RIN3: variants seen among roughly 807,000 people sequenced by gnomAD.
The protein encoded by RIN3 is RAB5 interacting protein 3.
A neutral mutation model predicts 76.3 loss-of-function variants in RIN3; 54 were observed. The ratio of observed to expected loss-of-function variants is 0.71; its 90% CI spans 0.57 to 0.89. The LOEUF (loss-of-function observed/expected upper bound fraction) is 0.89. RIN3 is among the 40% of genes least tolerant of loss of function. The pLI, the probability that RIN3 is intolerant of heterozygous loss-of-function variation, is 0.00. For missense variants in RIN3, 1,256 were observed against 1,322.1 expected (o/e 0.95, Z 0.78); for synonymous variants, 576 against 564.0 (o/e 1.02, Z -0.30).
Position 92,648,003 on chromosome 14 carries a change from A to G in RIN3, c.533-3579A>G, listed in dbSNP as rs1021699440. Among the ~76,000 whole-genome samples the G allele has an allele frequency of 4.6e-5, 7 of 151,926 alleles. No individual in the cohort carries two copies. The highest frequency in any genetic ancestry group is 1.7e-4 in the African/African-American group (7 of 41,352). On this transcript the variant is annotated intron_variant, in intron 5 of 9. Transcript: ENST00000216487. The surrounding 1 kb of genome is among the most constrained non-coding windows in gnomAD (Gnocchi z 4.1). ...GGGACTGGACCCCACAGCTTTGCCA[A>G]CCAAACCACTAGGATTGCATGACAC...
intron 3 of RIN3, among the ~76,000 whole-genome samples, chr14:92,593,384 T>G (rs1885050095): frequency 6.6e-6 from 1 of 151,962 alleles, no homozygotes; most frequent in African/African-American, 2.4e-5. Flanking sequence ...GTTGTCAGAG[T>G]AGATCAAGAA....
chr14:92,556,304 T>A (rs1178796243), intron 2 of RIN3, among the ~76,000 whole-genome samples: 1 of 151,682 alleles, frequency 6.6e-6, no homozygotes, highest in Non-Finnish European at 1.5e-5. Flanking sequence ...CAGCCAGGCA[T>A]CCAGGGTCCA....
At chr14:92,577,632 A>G (rs937875756) in intron 3 of RIN3, among the ~76,000 whole-genome samples, 155 bp downstream of exon 3, 1 of 152,152 alleles carries the variant, frequency 6.6e-6, no homozygotes, top group African/African-American at 2.4e-5. Flanking sequence ...ACTTAGCCAG[A>G]CTTGTTTTGA....
chr14:92,615,539 T>G (rs1225244135), intron 4 of RIN3, 60 bp downstream of exon 4: 4 of 1,425,290 alleles, frequency 2.8e-6, no homozygotes, highest in Non-Finnish European at 9.9e-7. Context: ...CATGCAACCC[T>G]GGGTGGGTGC....
Position 92,676,397 on chromosome 14 carries a change from T to C in RIN3, c.2336-78T>C, listed in dbSNP as rs1888462557. 2.6e-6 allele frequency: 4 copies of C among 1,536,164 alleles called. No homozygotes were observed. In the East Asian group the frequency reaches 9.1e-5, roughly 35 times the overall value. On this transcript the variant is annotated intron_variant, in intron 7 of 9. Transcript: ENST00000216487. Reference sequence around the variant, plus strand: ...TCGCCATCCACACTCAGCAAACCACTGTCCCCTACCCTGGGCAGAGAGCAT... The same window carrying C: ...TCGCCATCCACACTCAGCAAACCACCGTCCCCTACCCTGGGCAGAGAGCAT...
At position 92,676,507 on chromosome 14, in the gene RIN3, G is replaced by A. The variant is rs767508900; in HGVS notation, c.2368G>A (p.Val790Met). 8 of 1,614,014 alleles carry A rather than the reference G, an allele frequency of 5.0e-6. No homozygotes were observed. Among genetic ancestry groups the A allele is most frequent in the Non-Finnish European group, 6.8e-6 (8 of 1,180,016 alleles). The change falls in exon 8 of 10, where the codon GTG (valine) becomes ATG (methionine). Residue 790 changes from valine (V) to methionine (M), a missense_variant. Val to Met is a conservative substitution (Grantham distance 21, BLOSUM62 1). Transcript: ENST00000216487. ...KPYGADDFLPVLMYVLARSNL... is the reference protein window; with the variant it reads ...KPYGADDFLPMLMYVLARSNL... Reference sequence around the variant, plus strand: ...CTATGGGGCGGATGACTTCCTGCCTGTGCTCATGTATGTGCTGGCCCGCAG... The same window carrying A: ...CTATGGGGCGGATGACTTCCTGCCTATGCTCATGTATGTGCTGGCCCGCAG...
chr14:92,686,991 TGCCATCACGGTCTCC>T (rs1888882380), intron 9 of RIN3: 1 of 152,240 alleles, frequency 6.6e-6, no homozygotes, highest in African/African-American at 2.4e-5. Flanking sequence ...AGCCACCAGT[TGCCATCACGGTCTCC>T]GCCGAGCCGG....
intron 4 of RIN3, among the ~76,000 whole-genome samples, chr14:92,639,845 A>G (rs1478521875): frequency 1.2e-4 from 16 of 132,466 alleles, no homozygotes; most frequent in East Asian, 7.4e-4. Context: ...TGTGCTCGTC[A>G]GAGGCTGCCT....
intron 3 of RIN3, among the ~76,000 whole-genome samples, chr14:92,600,801 G>A (rs991131812): frequency 1.3e-5 from 2 of 152,204 alleles, no homozygotes; most frequent in Admixed American, 6.5e-5. Flanking sequence ...CTTGTCGTGT[G>A]GACTGTCTTG....
chr14:92,626,601 T>C (rs531784112), intron 4 of RIN3, among the ~76,000 whole-genome samples: 1 of 152,144 alleles, frequency 6.6e-6, no homozygotes, highest in Admixed American at 6.5e-5. Flanking sequence ...TAGGGAAGGA[T>C]ACTTAGGCTG....
intron 3 of RIN3, among the ~76,000 whole-genome samples, chr14:92,578,223 G>T (rs756483071): frequency 6.7e-6 from 1 of 149,894 alleles, no homozygotes; most frequent in Non-Finnish European, 1.5e-5. Flanking sequence ...GTGACAGAGG[G>T]AGATCTGGCC....
chr14:92,624,943 C>T (rs1886300323), intron 4 of RIN3, among the ~76,000 whole-genome samples: 1 of 151,908 alleles, frequency 6.6e-6, no homozygotes, highest in Non-Finnish European at 1.5e-5. Flanking sequence ...TGGTCCCTCC[C>T]AGGACGGTTC....
In RIN3 at chr14:92,517,079, T is replaced by G. The variant is rs149330622; in HGVS notation, c.44+3103T>G. On this transcript the variant is annotated intron_variant, in intron 1 of 9. Coordinates refer to ENST00000216487, the MANE Select transcript of RIN3 (RefSeq NM_024832.5). ...GAATGGGTGACAGATGGCCACAAAC[T>G]CTGTCTCTGTAACCCCCTGGAAGAT... 4.7e-3 allele frequency among the ~76,000 whole-genome samples: 710 copies of G among 152,232 alleles called. 7 individuals are homozygous for G. The highest frequency in any genetic ancestry group is 0.016 in the African/African-American group (675 of 41,540).
chr14:92,685,346 G>A lies in RIN3; in HGVS notation c.2631+196G>A, dbSNP rs1028423355. On this transcript the variant is annotated intron_variant, in intron 9 of 9. Coordinates refer to ENST00000216487, the MANE Select transcript of RIN3 (RefSeq NM_024832.5). This position sits in a 1 kb window ranked among gnomAD's most constrained non-coding sequence, Gnocchi z 4.7. ...CAGTGTGTGTCCAGGACTTGGGTGC[G>A]TCTAGAAACATATCAGCAGGCATTG... 2.5e-4 allele frequency: 146 copies of A among 594,800 alleles called. No individual in the cohort carries two copies. The highest frequency in any genetic ancestry group is 3.7e-4 in the Non-Finnish European group (125 of 337,804). The allele number at this position is 594,800 out of a possible 1,614,324, so 36.8% of individuals were successfully genotyped here.
chr14:92,638,516 CAG>C (rs1886860349), intron 4 of RIN3, among the ~76,000 whole-genome samples: 1 of 152,136 alleles, frequency 6.6e-6, no homozygotes, highest in African/African-American at 2.4e-5. Flanking sequence ...TCCTGGCAGT[CAG>C]GGGGTGGGCA....
rs1425261182 is a variant in RIN3 at position 92,688,057 on chromosome 14, C to G, written c.2763C>G (p.His921Gln). The change falls in exon 10 of 10, where the codon CAC becomes CAG. Residue 921 changes from histidine (H) to glutamine (Q), a missense_variant. His to Gln is a conservative substitution (Grantham distance 24). This residue lies in a region of RIN3 where 218 missense variants were observed against 174.5 expected (regional missense o/e 1.25). Coordinates refer to ENST00000216487, the MANE Select transcript of RIN3 (RefSeq NM_024832.5). ...TCGCGGTGGAGCGGCCGCAGGCGCA[C>G]CGGCTGTTCGTGCTGGTGGACGGGC... is the stretch of plus-strand genomic sequence containing the variant. The part of the protein sequence containing the change: ...EKFAVERPQA[H>Q]RLFVLVDGRC... The G allele has an allele frequency of 6.2e-7, 1 of 1,602,464 alleles. No homozygotes were observed. The highest frequency in any genetic ancestry group is 1.7e-5 in the Admixed American group (1 of 59,052).
chr14:92,531,211 T>C (rs1200841163), intron 1 of RIN3, among the ~76,000 whole-genome samples: 1 of 152,216 alleles, frequency 6.6e-6, no homozygotes, highest in Non-Finnish European at 1.5e-5. Context: ...CAGCAGATTC[T>C]GTGTCTGGCG....
intron 3 of RIN3, among the ~76,000 whole-genome samples, chr14:92,611,463 G>A (rs1009010117): frequency 3.3e-5 from 5 of 152,054 alleles, no homozygotes; most frequent in Non-Finnish European, 7.4e-5. Flanking sequence ...GTTTGACCAT[G>A]TTGGCCAGTC....
chr14:92,610,598 T>C (rs1885697636), intron 3 of RIN3, among the ~76,000 whole-genome samples: 1 of 152,180 alleles, frequency 6.6e-6, no homozygotes. Context: ...CAGTGCACCC[T>C]GTGTGTGGCT....
Sources: allele counts gnomAD v4.1 joint callset (sites outside exome capture counted in the v4.1 genomes callset), GRCh38; gene constraint gnomAD v4.1.1; regional missense constraint gnomAD v4.1.1; non-coding constraint Gnocchi (gnomAD v3.1); transcripts MANE v1.5; gene names NCBI Gene and HGNC (gene_info 2026-07-23, HGNC 2026-07-21).